Variants in MIGA1 observed in about 807,000 individuals in gnomAD.
MIGA1 encodes mitoguardin 1.
MIGA1 carries 58 observed loss-of-function variants against 82.0 expected under a neutral mutation model. That is an observed-to-expected ratio of 0.71 (90% CI 0.57 to 0.88). The LOEUF (loss-of-function observed/expected upper bound fraction) is 0.88, where lower values mean the gene tolerates loss of function less well. Among genes scored for constraint, MIGA1 ranks in the 40% least tolerant of loss-of-function variants. MIGA1 has a pLI of 0.00. For missense variants in MIGA1, 751 were observed against 749.1 expected (o/e 1.00, Z -0.03); for synonymous variants, 249 against 253.6 (o/e 0.98, Z 0.17).
intron 2 of MIGA1, among the ~76,000 whole-genome samples, chr1:77,800,791 C>T (rs1162177238): frequency 6.6e-6 from 1 of 152,154 alleles, no homozygotes; most frequent in Non-Finnish European, 1.5e-5. Flanking sequence ...GTTGTAGGCA[C>T]TTATTATGTG....
intron 7 of MIGA1, among the ~76,000 whole-genome samples, chr1:77,816,735 A>T (rs954572138): frequency 3.3e-5 from 5 of 152,236 alleles, no homozygotes; most frequent in Non-Finnish European, 5.9e-5. Flanking sequence ...AACAAATATA[A>T]TTTGTCAAAG....
chr1:77,838,509 G>A (rs906168771), intron 7 of MIGA1, among the ~76,000 whole-genome samples: 3 of 152,034 alleles, frequency 2.0e-5, no homozygotes, highest in East Asian at 1.9e-4. Flanking sequence ...GTATAGTGGT[G>A]CGATCTCAGC....
At chr1:77,869,741 C>CA (rs1365441067) in intron 14 of MIGA1, among the ~76,000 whole-genome samples, 2 of 108,790 alleles carry the variant, frequency 1.8e-5, no homozygotes, top group Non-Finnish European at 3.8e-5. Context: ...CTGGCCGACC[C>CA]CCCCCCCGCC....
intron 11 of MIGA1, 61 bp downstream of exon 11, chr1:77,860,187 C>T (rs1260056526): frequency 1.7e-6 from 2 of 1,205,784 alleles, no homozygotes; most frequent in South Asian, 1.4e-5. Flanking sequence ...ACCCTTTGAA[C>T]TGAAGATTAA....
intron 8 of MIGA1, among the ~76,000 whole-genome samples, chr1:77,844,113 A>AT (rs1553223128): frequency 0.019 from 1,718 of 89,134 alleles, 19 homozygotes; most frequent in Middle Eastern, 0.048. Flanking sequence ...AAAAAAAAAA[A>AT]ATATATATAT....
chr1:77,796,727 T>G (rs1045810048), intron 2 of MIGA1, among the ~76,000 whole-genome samples: 2 of 152,256 alleles, frequency 1.3e-5, no homozygotes, highest in African/African-American at 4.8e-5. Context: ...TTCAGTGTGC[T>G]TCATTTGGAA....
intron 5 of MIGA1, chr1:77,811,742 C>T (rs1683340824): frequency 9.3e-6 from 15 of 1,609,466 alleles, no homozygotes; most frequent in Middle Eastern, 2.3e-4. Flanking sequence ...CTAAAACTGG[C>T]GCCCCAGCGC....
At position 77,875,657 on chromosome 1, in the gene MIGA1, A is replaced by G. The variant is rs1350039297; in HGVS notation, c.*593A>G. The G allele has an allele frequency of 6.6e-6, 1 of 152,576 alleles. No homozygotes were observed. The highest frequency in any genetic ancestry group is 1.5e-5 in the Non-Finnish European group (1 of 68,360). The allele number at this position is 152,576 out of a possible 1,614,324, so 9.5% of individuals were successfully genotyped here. A position where few individuals can be genotyped will look rare whatever the true frequency, so the allele number is the denominator to read the frequency against. On this transcript the variant is annotated 3_prime_UTR_variant, in exon 16 of 16. Coordinates refer to ENST00000370791, the MANE Select transcript of MIGA1 (RefSeq NM_198549.4). ...CTGAATATTGTTATAGAACATTTAA[A>G]TGGGCCACTTGCAGTGGCTCATGCC... is the stretch of plus-strand genomic sequence containing the variant.
intron 7 of MIGA1, among the ~76,000 whole-genome samples, chr1:77,828,011 T>C (rs1365151029): frequency 6.6e-6 from 1 of 151,956 alleles, no homozygotes; most frequent in African/African-American, 2.4e-5. Context: ...TGAACCAAGA[T>C]TGGGCCACTG....
At chr1:77,819,953 G>A (rs1683737079) in intron 7 of MIGA1, among the ~76,000 whole-genome samples, 2 of 152,042 alleles carry the variant, frequency 1.3e-5, no homozygotes, top group African/African-American at 4.8e-5. Context: ...TCCTTGAATG[G>A]GAGGATTAAC....
chr1:77,801,590 A>G (rs1025056873), intron 3 of MIGA1, 82 bp downstream of exon 3: 13 of 1,179,962 alleles, frequency 1.1e-5, no homozygotes, highest in Non-Finnish European at 1.5e-5. Flanking sequence ...TTTAGTCTCC[A>G]GAATTTTCTT....
At chr1:77,843,945 A>T (rs1485909236) in intron 8 of MIGA1, among the ~76,000 whole-genome samples, 1 of 151,476 alleles carries the variant, frequency 6.6e-6, no homozygotes, top group Non-Finnish European at 1.5e-5. Context: ...CAAAAAATTT[A>T]AAAAATTAAC....
At chr1:77,820,591 C>T (rs1296252148) in intron 7 of MIGA1, among the ~76,000 whole-genome samples, 1 of 152,154 alleles carries the variant, frequency 6.6e-6, no homozygotes, top group Non-Finnish European at 1.5e-5. Flanking sequence ...CATTTTACCT[C>T]TAGAATCTTA....
chr1:77,845,664 A>G (rs942304918), intron 8 of MIGA1, among the ~76,000 whole-genome samples: 2 of 152,202 alleles, frequency 1.3e-5, no homozygotes, highest in African/African-American at 4.8e-5. Flanking sequence ...TTGTTAAATT[A>G]TTTTTAACTA....
chr1:77,854,658 T>C (rs550753823), intron 8 of MIGA1, among the ~76,000 whole-genome samples: 35 of 152,332 alleles, frequency 2.3e-4, no homozygotes, highest in African/African-American at 8.4e-4. Context: ...CATAGTGATG[T>C]TGAGCATTTT....
chr1:77,858,321 T>A lies in MIGA1; in HGVS notation c.997-617T>A, dbSNP rs1046997348. Among the ~76,000 whole-genome samples the A allele has an allele frequency of 4.0e-5, 6 of 151,642 alleles. No individual in the cohort carries two copies. In the East Asian group the frequency reaches 1.2e-3, roughly 29 times the overall value. On this transcript the variant is annotated intron_variant, in intron 8 of 15. Transcript: ENST00000370791. ...AAGATCCTGCCACTGTACTCCAGCC[T>A]GGGTGACAGTGAGACCCTGTCTCAA...
chr1:77,797,381 T>A (rs1175080926), intron 2 of MIGA1, among the ~76,000 whole-genome samples: 1 of 152,260 alleles, frequency 6.6e-6, no homozygotes, highest in East Asian at 1.9e-4. Context: ...ACGTCCACAC[T>A]GTATTGCCTG....
Position 77,847,098 on chromosome 1 carries a change from T to C in MIGA1, c.996+3691T>C, listed in dbSNP as rs917004480. On this transcript the variant is annotated intron_variant, in intron 8 of 15. Transcript: ENST00000370791. The stretch of plus-strand genomic sequence containing the variant: ...ACAGTAGGGCCACGTTCAGTAGATA[T>C]GGGAACAAGATGGTGATTCTGGGCA... 9.7e-6 allele frequency: 8 copies of C among 825,870 alleles called. No individual in the cohort carries two copies. In the African/African-American group the frequency reaches 1.2e-4, roughly 12 times the overall value. The allele number at this position is 825,870 out of a possible 1,614,324, so 51.2% of individuals were successfully genotyped here.
chr1:77,796,569 G>C (rs986566461), intron 2 of MIGA1, among the ~76,000 whole-genome samples: 5 of 152,064 alleles, frequency 3.3e-5, no homozygotes, highest in Non-Finnish European at 5.9e-5. Context: ...ACTACAGGCA[G>C]GTACCACTGC....
Sources: gnomAD v4.1 joint callset for allele counts (sites outside exome capture counted in the v4.1 genomes callset) on GRCh38, gnomAD v4.1.1 for gene constraint, MANE v1.5 for transcripts, NCBI Gene and HGNC (gene_info 2026-07-23, HGNC 2026-07-21) for gene names.